Variants in ST8SIA6 observed in about 807,000 individuals in gnomAD.
ST8SIA6 encodes the protein alpha-2,8-sialyltransferase 8F.
In ST8SIA6, 39 loss-of-function variants were observed where a neutral mutation model predicts 33.6. The observed-to-expected ratio is 1.16, with a 90% CI of 0.90 to 1.52. ST8SIA6 has a LOEUF of 1.52. Among genes scored for constraint, ST8SIA6 ranks in the 40% most tolerant of loss-of-function variants. The pLI is 0.00. For missense variants in ST8SIA6, 441 were observed against 443.8 expected (o/e 0.99, Z 0.06); for synonymous variants, 172 against 167.2 (o/e 1.03, Z -0.22).
At chr10:17,351,178 T>G (rs1181183521) in intron 4 of ST8SIA6, among the ~76,000 whole-genome samples, 2 of 151,980 alleles carry the variant, frequency 1.3e-5, no homozygotes, top group Non-Finnish European at 2.9e-5. Context: ...CCTGGCCTAG[T>G]GCAGAAGAGG....
chr10:17,429,450 G>A (rs544881825), intron 2 of ST8SIA6, among the ~76,000 whole-genome samples: 20 of 151,078 alleles, frequency 1.3e-4, no homozygotes, highest in African/African-American at 2.9e-4. Context: ...TGCTTAGCTC[G>A]TCCCCGGAGA....
At chr10:17,450,272 C>T (rs1439288191) in intron 2 of ST8SIA6, among the ~76,000 whole-genome samples, 2 of 152,134 alleles carry the variant, frequency 1.3e-5, no homozygotes, top group Non-Finnish European at 2.9e-5. Flanking sequence ...AAGAAAGAGC[C>T]ACAAGCTGCA....
At chr10:17,450,032 C>T (rs905088010) in intron 2 of ST8SIA6, among the ~76,000 whole-genome samples, 15 of 152,248 alleles carry the variant, frequency 9.9e-5, no homozygotes, top group African/African-American at 3.6e-4. Context: ...GTTTTCTGAA[C>T]CAATTTTGGT....
chr10:17,433,031 C>T (rs1043347027), intron 2 of ST8SIA6, among the ~76,000 whole-genome samples: 3 of 152,164 alleles, frequency 2.0e-5, no homozygotes, highest in East Asian at 3.8e-4. Flanking sequence ...CTGAATCTGC[C>T]GTGATTCTGG....
chr10:17,420,828 C>A (rs1851759403), intron 2 of ST8SIA6, among the ~76,000 whole-genome samples: 1 of 152,194 alleles, frequency 6.6e-6, no homozygotes, highest in Non-Finnish European at 1.5e-5. Context: ...ACTCACAGTT[C>A]CACCTGAGTG....
chr10:17,418,308 A>G (rs1851666069), intron 2 of ST8SIA6, among the ~76,000 whole-genome samples: 1 of 152,080 alleles, frequency 6.6e-6, no homozygotes, highest in Non-Finnish European at 1.5e-5. Context: ...TGATTCTCCC[A>G]AAGTGCTGGG....
At chr10:17,326,336 C>T (rs1236031545) in intron 6 of ST8SIA6, among the ~76,000 whole-genome samples, 1 of 152,154 alleles carries the variant, frequency 6.6e-6, no homozygotes, top group Non-Finnish European at 1.5e-5. Flanking sequence ...TGAAACCCAT[C>T]CTCAGAAGGA....
At chr10:17,411,332 C>T (rs1326459616) in intron 2 of ST8SIA6, among the ~76,000 whole-genome samples, 2 of 152,082 alleles carry the variant, frequency 1.3e-5, no homozygotes, top group Non-Finnish European at 2.9e-5. Flanking sequence ...TATAGGTGCC[C>T]ACCACCACAC....
intron 3 of ST8SIA6, among the ~76,000 whole-genome samples, chr10:17,385,894 C>A (rs146062972): frequency 3.9e-3 from 593 of 152,256 alleles, no homozygotes; most frequent in Middle Eastern, 6.8e-3. Flanking sequence ...TTAACTGAGA[C>A]CTGTCTCAGA....
chr10:17,444,326 C>G (rs1342922706), intron 2 of ST8SIA6, among the ~76,000 whole-genome samples: 5 of 152,130 alleles, frequency 3.3e-5, no homozygotes, highest in Non-Finnish European at 7.3e-5. Context: ...AACGTTGCCT[C>G]GTGAGTCATA....
At chr10:17,423,324 G>C (rs960396073) in intron 2 of ST8SIA6, among the ~76,000 whole-genome samples, 1 of 152,162 alleles carries the variant, frequency 6.6e-6, no homozygotes, top group Admixed American at 6.6e-5. Context: ...ATCCCCCAGA[G>C]TTGGTTTCCT....
intron 3 of ST8SIA6, among the ~76,000 whole-genome samples, chr10:17,366,511 A>G (rs550256029): frequency 5.0e-4 from 76 of 152,058 alleles, no homozygotes; most frequent in African/African-American, 1.8e-3. Flanking sequence ...GGTATTAAGT[A>G]TATACTTAAG....
chr10:17,453,710 G>C (rs45551937), intron 1 of ST8SIA6, 53 bp from the exon 2 acceptor site: 82,452 of 1,230,840 alleles, frequency 0.067, 3,817 homozygotes, highest in African/African-American at 0.23. Context: ...GGAGCTGTTG[G>C]CTGAAAGGCT....
At chr10:17,339,559 C>T (rs984406224) in intron 4 of ST8SIA6, among the ~76,000 whole-genome samples, 12 of 152,290 alleles carry the variant, frequency 7.9e-5, no homozygotes, top group Admixed American at 5.9e-4. Flanking sequence ...TTTTTCTTCA[C>T]GAAAATATAA....
chr10:17,396,276 A>G (rs1564443464), intron 2 of ST8SIA6, among the ~76,000 whole-genome samples: 1 of 152,096 alleles, frequency 6.6e-6, no homozygotes, highest in Non-Finnish European at 1.5e-5. Flanking sequence ...GGCATCCTAT[A>G]TTCCTATACC....
At chr10:17,397,688 T>G (rs191902500) in intron 2 of ST8SIA6, among the ~76,000 whole-genome samples, 8 of 152,302 alleles carry the variant, frequency 5.3e-5, no homozygotes, top group African/African-American at 1.9e-4. Flanking sequence ...TTGGTACACA[T>G]TTCCCTTTTT....
chr10:17,436,117 C>T (rs1376655302), intron 2 of ST8SIA6, among the ~76,000 whole-genome samples: 1 of 152,236 alleles, frequency 6.6e-6, no homozygotes, highest in South Asian at 2.1e-4. Flanking sequence ...ACCACTGTCA[C>T]TCACCAGTCA....
chr10:17,440,395 G>A (rs1208827431), intron 2 of ST8SIA6, among the ~76,000 whole-genome samples: 2 of 151,840 alleles, frequency 1.3e-5, no homozygotes, highest in Non-Finnish European at 2.9e-5. Flanking sequence ...TAGTAGAGAC[G>A]AGGTTTCACT....
chr10:17,429,234 A>G lies in ST8SIA6; in HGVS notation c.200+24325T>C, dbSNP rs993023554. 4.6e-5 allele frequency among the ~76,000 whole-genome samples: 7 copies of G among 152,042 alleles called. No homozygotes were observed. The East Asian group carries it at 1.3e-3, about 29-fold the overall frequency. ...TGCCAGTTTTTCACTTTAGGGATAT[A>G]ATAGATCATCACCACGACTAACCCC... On this transcript the variant is annotated intron_variant, in intron 2 of 7. Coordinates refer to ENST00000377602, the MANE Select transcript of ST8SIA6 (RefSeq NM_001004470.3).
Sources: allele counts gnomAD v4.1 joint callset (sites outside exome capture counted in the v4.1 genomes callset), GRCh38; gene constraint gnomAD v4.1.1; transcripts MANE v1.5; gene names NCBI Gene and HGNC (gene_info 2026-07-23, HGNC 2026-07-21).